Variants in CAMKMT observed in about 807,000 individuals in gnomAD.
CAMKMT encodes CaM KMT.
A neutral mutation model predicts 48.0 loss-of-function variants in CAMKMT; 53 were observed. The ratio of observed to expected loss-of-function variants is 1.10; its 90% CI spans 0.89 to 1.39. The LOEUF is 1.39. Among genes scored for constraint, CAMKMT ranks in the 40% most tolerant of loss-of-function variants. The pLI is 0.00. For missense variants in CAMKMT, 428 were observed against 402.7 expected, an observed-to-expected ratio of 1.06 and a Z score of -0.54; for synonymous variants, 165 against 152.3, an observed-to-expected ratio of 1.08 and a Z score of -0.61.
chr2:44,605,689 C>G (rs1038270737), intron 3 of CAMKMT, among the ~76,000 whole-genome samples: 17 of 152,188 alleles, frequency 1.1e-4, no homozygotes, highest in African/African-American at 4.1e-4. Flanking sequence ...AAGAAAATGA[C>G]TTGTCAAAGT....
intron 2 of CAMKMT, among the ~76,000 whole-genome samples, chr2:44,379,601 T>C (rs936734057): frequency 6.6e-6 from 1 of 152,230 alleles, no homozygotes; most frequent in African/African-American, 2.4e-5. Flanking sequence ...TTAAAAAATA[T>C]TACAACCCTT....
At chr2:44,575,188 C>T (rs533931392) in intron 3 of CAMKMT, among the ~76,000 whole-genome samples, 2 of 152,264 alleles carry the variant, frequency 1.3e-5, no homozygotes, top group African/African-American at 2.4e-5. Context: ...AAGTGATTCT[C>T]CTGCCTCGGT....
chr2:44,428,666 G>A (rs1287041253), intron 3 of CAMKMT, among the ~76,000 whole-genome samples: 1 of 152,140 alleles, frequency 6.6e-6, no homozygotes, highest in Non-Finnish European at 1.5e-5. Flanking sequence ...GTATGTTTGT[G>A]TATATGTATA....
chr2:44,663,464 A>G (rs1303340169), intron 3 of CAMKMT, among the ~76,000 whole-genome samples: 9 of 152,226 alleles, frequency 5.9e-5, no homozygotes, highest in Admixed American at 3.3e-4. Context: ...CTTCTGTGAA[A>G]TCTTGTTTAG....
chr2:44,747,738 C>G (rs142425432), intron 8 of CAMKMT, among the ~76,000 whole-genome samples: 3 of 152,222 alleles, frequency 2.0e-5, no homozygotes, highest in Non-Finnish European at 4.4e-5. Context: ...TACAGATGCT[C>G]TGCAGTCTGC....
chr2:44,399,697 C>G (rs1484802496), intron 3 of CAMKMT, among the ~76,000 whole-genome samples: 1 of 151,404 alleles, frequency 6.6e-6, no homozygotes, highest in Non-Finnish European at 1.5e-5. Flanking sequence ...TCCATTTTAT[C>G]CCCTTTCCTT....
At chr2:44,643,880 C>T (rs1283328190) in intron 3 of CAMKMT, among the ~76,000 whole-genome samples, 2 of 152,082 alleles carry the variant, frequency 1.3e-5, no homozygotes, top group Non-Finnish European at 1.5e-5. Context: ...GATATTAATA[C>T]ATTATAATAA....
At chr2:44,400,682 C>T (rs1035323909) in intron 3 of CAMKMT, 1 of 151,684 alleles carries the variant, frequency 6.6e-6, no homozygotes, top group South Asian at 2.1e-4. Context: ...TTTCCCATAC[C>T]ATCCATGAAT....
intron 3 of CAMKMT, among the ~76,000 whole-genome samples, chr2:44,417,165 G>T (rs1231435616): frequency 2.0e-5 from 3 of 152,006 alleles, no homozygotes; most frequent in Non-Finnish European, 4.4e-5. Flanking sequence ...GGAGGCTGAG[G>T]CGCGGATCAC....
chr2:44,746,727 G>C (rs1365625089), intron 8 of CAMKMT, among the ~76,000 whole-genome samples: 2 of 151,958 alleles, frequency 1.3e-5, no homozygotes, highest in Admixed American at 1.3e-4. Flanking sequence ...CACAGGTGTA[G>C]AAAAAAAACC....
chr2:44,468,845 G>T (rs1668265358), intron 3 of CAMKMT, among the ~76,000 whole-genome samples: 1 of 152,194 alleles, frequency 6.6e-6, no homozygotes, highest in South Asian at 2.1e-4. Context: ...CTTGAGCTGG[G>T]AGGTTGAGGC....
chr2:44,622,220 T>G (rs1672236956), intron 3 of CAMKMT, among the ~76,000 whole-genome samples: 2 of 152,246 alleles, frequency 1.3e-5, no homozygotes, highest in Non-Finnish European at 1.5e-5. Context: ...TTGGTAAATC[T>G]TGAGGAAAAC....
intron 3 of CAMKMT, among the ~76,000 whole-genome samples, chr2:44,685,636 A>G (rs1676293570): frequency 6.6e-6 from 1 of 152,214 alleles, no homozygotes; most frequent in South Asian, 2.1e-4. Flanking sequence ...GAGAGGGAAC[A>G]TAGTGAATCC....
chr2:44,631,375 T>C, intron 3 of CAMKMT: 2 of 403,906 alleles, frequency 5.0e-6, no homozygotes, highest in Non-Finnish European at 8.6e-6. Context: ...TGTGCACATG[T>C]ACCCTAAAAC....
chr2:44,717,785 T>C (rs1678247919), intron 7 of CAMKMT, among the ~76,000 whole-genome samples: 1 of 151,142 alleles, frequency 6.6e-6, no homozygotes, highest in Admixed American at 6.6e-5. Context: ...GCAAAGAAGA[T>C]GTATAAGCTG....
chr2:44,595,824 G>A (rs746191337), intron 3 of CAMKMT, among the ~76,000 whole-genome samples: 3 of 152,176 alleles, frequency 2.0e-5, no homozygotes, highest in African/African-American at 7.2e-5. Flanking sequence ...ATGAATTCAT[G>A]TCCTTTGCAG....
At chr2:44,456,857 C>G (rs955306076) in intron 3 of CAMKMT, 4 of 411,020 alleles carry the variant, frequency 9.7e-6, no homozygotes, top group African/African-American at 8.1e-5. Context: ...AAGCTAGTGT[C>G]TGGGATACTA....
intron 3 of CAMKMT, among the ~76,000 whole-genome samples, chr2:44,667,102 A>G: frequency 6.6e-6 from 1 of 152,202 alleles, no homozygotes; most frequent in East Asian, 1.9e-4. Flanking sequence ...GGGAGGCAAA[A>G]CCCGAGAGAC....
intron 2 of CAMKMT, among the ~76,000 whole-genome samples, chr2:44,374,941 G>A (rs536155693): frequency 2.6e-5 from 4 of 152,148 alleles, no homozygotes; most frequent in African/African-American, 9.6e-5. Flanking sequence ...ACTAGCCTTG[G>A]CAACATAGGG....
Sources: gnomAD v4.1 joint callset for allele counts (sites outside exome capture counted in the v4.1 genomes callset) on GRCh38, gnomAD v4.1.1 for gene constraint, MANE v1.5 for transcripts, NCBI Gene and HGNC (gene_info 2026-07-23, HGNC 2026-07-21) for gene names.